LIPA: variants seen among roughly 807,000 people sequenced by gnomAD.
The protein encoded by LIPA is lysosomal acid lipase/cholesteryl ester hydrolase.
Under a neutral mutation model 40.6 loss-of-function variants are expected in LIPA, and 26 were observed. The observed-to-expected ratio is 0.64, with a 90% CI of 0.47 to 0.89. LIPA has a LOEUF of 0.89. Among genes scored for constraint, LIPA ranks in the 40% least tolerant of loss-of-function variants. The probability of loss-of-function intolerance (pLI) is 0.00; values close to 1 mark genes in which losing one functional copy is unlikely to be tolerated. For missense variants in LIPA, 455 were observed against 479.6 expected (o/e 0.95, Z 0.48); for synonymous variants, 188 against 168.4 (o/e 1.12, Z -0.90).
intron 2 of LIPA, among the ~76,000 whole-genome samples, chr10:89,360,430 T>C (rs1014997522): frequency 6.6e-6 from 1 of 152,176 alleles, no homozygotes; most frequent in African/African-American, 2.4e-5. Flanking sequence ...CAGTCTACAT[T>C]TGGCTCACCA....
intron 2 of LIPA, among the ~76,000 whole-genome samples, chr10:89,385,999 G>A (rs1844208318): frequency 6.6e-6 from 1 of 152,170 alleles, no homozygotes; most frequent in Non-Finnish European, 1.5e-5. Flanking sequence ...AGGAAGTGAT[G>A]GAATAGAAAC....
chr10:89,352,555 G>C (rs1278276028), intron 2 of LIPA, among the ~76,000 whole-genome samples: 1 of 152,088 alleles, frequency 6.6e-6, no homozygotes, highest in Non-Finnish European at 1.5e-5. Flanking sequence ...CTTCTGGTTG[G>C]AGGCTATGCT....
chr10:89,302,453 G>A (rs1843451364), intron 1 of LIPA, among the ~76,000 whole-genome samples: 1 of 152,138 alleles, frequency 6.6e-6, no homozygotes, highest in African/African-American at 2.4e-5. Flanking sequence ...GATGGGTCTG[G>A]GGGCATTGCT....
chr10:89,371,021 A>AAAAC (rs201849181), intron 2 of LIPA, among the ~76,000 whole-genome samples: 35 of 152,278 alleles, frequency 2.3e-4, no homozygotes, highest in African/African-American at 7.7e-4. Flanking sequence ...CTGTCTCAAA[A>AAAAC]AAACAAACAA....
chr10:89,309,905 A>G (rs893082195), intron 1 of LIPA, among the ~76,000 whole-genome samples: 6 of 152,190 alleles, frequency 3.9e-5, no homozygotes, highest in Non-Finnish European at 8.8e-5. Context: ...GACTCCCTTC[A>G]TATATTCATC....
intron 1 of LIPA, among the ~76,000 whole-genome samples, chr10:89,312,912 A>G (rs1198540802): frequency 1.3e-5 from 2 of 152,092 alleles, no homozygotes; most frequent in Non-Finnish European, 2.9e-5. Flanking sequence ...CAGGAATGAG[A>G]GCAAATTATC....
rs147161261 is a variant in LIPA, at chr10:89,265,763, T to C, written c.-1-18114A>G. On this transcript the variant is annotated intron_variant, in intron 1 of 5. Transcript: ENST00000282673. Reference sequence around the variant, plus strand: ...CCTAAATTGCAAGTTCTCCAATCTTTGCTGTGTTCAGACTTGTAAAATAGC... The same window carrying C: ...CCTAAATTGCAAGTTCTCCAATCTTCGCTGTGTTCAGACTTGTAAAATAGC... 5.9e-3 allele frequency among the ~76,000 whole-genome samples: 904 copies of C among 152,340 alleles called. 13 individuals carry two copies. The highest frequency in any genetic ancestry group is 0.02 in the African/African-American group (820 of 41,580).
chr10:89,343,259 G>T (rs1843887667), upstream of LIPA, among the ~76,000 whole-genome samples: 1 of 152,228 alleles, frequency 6.6e-6, no homozygotes, highest in Non-Finnish European at 1.5e-5. Context: ...AGAATGGGCA[G>T]CTCTGTAGAG....
At chr10:89,312,481 T>C (rs757563477) in intron 1 of LIPA, among the ~76,000 whole-genome samples, 1 of 151,978 alleles carries the variant, frequency 6.6e-6, no homozygotes, top group Non-Finnish European at 1.5e-5. Context: ...AATAAAGACT[T>C]TCTAGAATCA....
chr10:89,234,757 T>C (rs1329155564), intron 3 of LIPA, among the ~76,000 whole-genome samples: 1 of 152,236 alleles, frequency 6.6e-6, no homozygotes, highest in Admixed American at 6.5e-5. Flanking sequence ...TGTTCACATC[T>C]TCCAGTGAAC....
intron 2 of LIPA, among the ~76,000 whole-genome samples, chr10:89,358,830 T>A (rs1844003580): frequency 6.6e-6 from 1 of 152,162 alleles, no homozygotes; most frequent in Non-Finnish European, 1.5e-5. Flanking sequence ...AAAATGTCAT[T>A]AAATAGAAGG....
At chr10:89,409,528 C>A (rs1314434284) in intron 2 of LIPA, among the ~76,000 whole-genome samples, 3 of 152,194 alleles carry the variant, frequency 2.0e-5, no homozygotes, top group Admixed American at 2.0e-4. Context: ...GGACAGAAGC[C>A]CCCAACCAGA....
chr10:89,230,848 C>A (rs568383398), intron 3 of LIPA, among the ~76,000 whole-genome samples: 1 of 152,188 alleles, frequency 6.6e-6, no homozygotes, highest in Non-Finnish European at 1.5e-5. Flanking sequence ...AGTTGCTTAA[C>A]CAGTCTGCGT....
intron 2 of LIPA, among the ~76,000 whole-genome samples, chr10:89,400,213 A>G (rs1046967828): frequency 3.3e-5 from 5 of 152,176 alleles, no homozygotes; most frequent in African/African-American, 1.2e-4. Flanking sequence ...AATGTGTGAG[A>G]CATCCAACTT....
chr10:89,389,830 A>G (rs1414200523), intron 2 of LIPA, among the ~76,000 whole-genome samples: 2 of 152,312 alleles, frequency 1.3e-5, no homozygotes, highest in East Asian at 3.9e-4. Flanking sequence ...TCTGGGCCTC[A>G]CAGAACAGGA....
intron 1 of LIPA, among the ~76,000 whole-genome samples, chr10:89,278,880 A>G (rs1589586904): frequency 6.6e-6 from 1 of 151,592 alleles, no homozygotes; most frequent in African/African-American, 2.4e-5. Flanking sequence ...AAAAGAATGT[A>G]CATGGTCTAA....
At chr10:89,348,854 T>G (rs1176225385) in intron 2 of LIPA, among the ~76,000 whole-genome samples, 1 of 152,214 alleles carries the variant, frequency 6.6e-6, no homozygotes, top group African/African-American at 2.4e-5. Context: ...CTCCATCTTA[T>G]GTCCAGAATG....
intron 1 of LIPA, among the ~76,000 whole-genome samples, chr10:89,261,267 G>T (rs1286478497): frequency 6.6e-6 from 1 of 152,194 alleles, no homozygotes; most frequent in African/African-American, 2.4e-5. Flanking sequence ...CTAGAAATTT[G>T]AATTAGTAGT....
At chr10:89,408,244 T>C (rs1420030631) in intron 2 of LIPA, among the ~76,000 whole-genome samples, 1 of 152,184 alleles carries the variant, frequency 6.6e-6, no homozygotes, top group Non-Finnish European at 1.5e-5. Flanking sequence ...CTCTCTCTGA[T>C]GGGGAAAAAT....
Sources: gnomAD v4.1 joint callset for allele counts (sites outside exome capture counted in the v4.1 genomes callset) on GRCh38, gnomAD v4.1.1 for gene constraint, MANE v1.5 for transcripts, NCBI Gene and HGNC (gene_info 2026-07-23, HGNC 2026-07-21) for gene names.